TGFBR2: variants seen among roughly 807,000 people sequenced by gnomAD.
The protein encoded by TGFBR2 is TGF-beta receptor type-2.
In TGFBR2, 18 loss-of-function variants were observed where a neutral mutation model predicts 49.0. The observed-to-expected ratio is 0.37, with a 90% confidence interval of 0.25 to 0.54. The LOEUF (loss-of-function observed/expected upper bound fraction) is 0.54. TGFBR2 is among the 20% of genes least tolerant of loss of function. The pLI, the probability that TGFBR2 is intolerant of heterozygous loss-of-function variation, is 0.85. For missense variants in TGFBR2, 525 were observed against 722.6 expected (o/e 0.73, Z 3.13); for synonymous variants, 282 against 275.9 (o/e 1.02, Z -0.22).
At chr3:30,627,005 C>G (rs550000700) in intron 1 of TGFBR2, among the ~76,000 whole-genome samples, 3 of 152,220 alleles carry the variant, frequency 2.0e-5, no homozygotes, top group Admixed American at 6.5e-5. Context: ...AGGGGAATGA[C>G]GTAATAAAAC....
At chr3:30,685,706 C>T (rs965608643) in intron 5 of TGFBR2, among the ~76,000 whole-genome samples, 2 of 152,088 alleles carry the variant, frequency 1.3e-5, no homozygotes, top group South Asian at 2.1e-4. Context: ...GTCATGTCCA[C>T]GAATCTCTAG....
intron 1 of TGFBR2, among the ~76,000 whole-genome samples, chr3:30,630,691 C>T (rs557586222): frequency 5.9e-5 from 9 of 152,246 alleles, no homozygotes; most frequent in East Asian, 1.9e-4. Flanking sequence ...TATCAAGAGA[C>T]GGAGATTTGG....
At chr3:30,615,041 C>G (rs774008888) in intron 1 of TGFBR2, among the ~76,000 whole-genome samples, 1 of 152,092 alleles carries the variant, frequency 6.6e-6, no homozygotes, top group Non-Finnish European at 1.5e-5. Flanking sequence ...AAACATCATG[C>G]CTGTCTTGTG....
rs1320752757 is a variant in TGFBR2, at chr3:30,645,862, T to TA, written c.263+948dup. On this transcript the variant is annotated intron_variant, in intron 2 of 6. Coordinates refer to ENST00000295754, the MANE Select transcript of TGFBR2 (RefSeq NM_003242.6). Reference sequence around the variant, plus strand: ...TCTCTCATTCCCTCCAACTCATACATACATCTCAAATAATAATTATACATA... The same window carrying TA: ...TCTCTCATTCCCTCCAACTCATACATAACATCTCAAATAATAATTATACATA... 2.6e-5 allele frequency among the ~76,000 whole-genome samples: 4 copies of TA among 151,658 alleles called. No homozygotes were observed. The East Asian group carries it at 7.8e-4, about 30-fold the overall frequency.
intron 4 of TGFBR2, among the ~76,000 whole-genome samples, chr3:30,673,467 T>G (rs1699377558): frequency 6.6e-6 from 1 of 152,234 alleles, no homozygotes; most frequent in Admixed American, 6.5e-5. Context: ...TTATCAGTCA[T>G]AGAGATTAGC....
chr3:30,661,097 G>A (rs992621163), intron 3 of TGFBR2, among the ~76,000 whole-genome samples: 2 of 152,184 alleles, frequency 1.3e-5, no homozygotes, highest in Non-Finnish European at 2.9e-5. Context: ...TTGCTTTCAG[G>A]TTTCCTGAGA....
chr3:30,628,693 G>A (rs1274275651), intron 1 of TGFBR2, among the ~76,000 whole-genome samples: 7 of 151,972 alleles, frequency 4.6e-5, no homozygotes, highest in South Asian at 2.1e-4. Context: ...GGAGTCAGAC[G>A]AGCCTTACAT....
Position 30,606,749 on chromosome 3 carries a change from T to G in TGFBR2, c.-135T>G. ...TCCTGGCTGGCGAGCGGGCGCCACATCTGGCCCGCACATCTGCGCTGCCGG... is the reference window on the plus strand; with the variant it reads ...TCCTGGCTGGCGAGCGGGCGCCACAGCTGGCCCGCACATCTGCGCTGCCGG... On this transcript the variant is annotated 5_prime_UTR_variant, in exon 1 of 7. Coordinates refer to ENST00000295754, the MANE Select transcript of TGFBR2 (RefSeq NM_003242.6). The G allele has an allele frequency of 1.7e-6, 1 of 588,116 alleles. No individual in the cohort carries two copies. The highest frequency in any genetic ancestry group is 2.5e-6 in the Non-Finnish European group (1 of 392,968). 36.4% of individuals were successfully genotyped at this position (588,116 alleles called of 1,614,324 possible).
intron 1 of TGFBR2, among the ~76,000 whole-genome samples, chr3:30,627,922 G>A (rs534703525): frequency 2.3e-4 from 35 of 152,164 alleles, no homozygotes; most frequent in Admixed American, 5.2e-4. Context: ...AAAGAGGTCC[G>A]TTCAGGTAAT....
At chr3:30,645,239 C>T (rs910825592) in intron 2 of TGFBR2, among the ~76,000 whole-genome samples, 13 of 152,008 alleles carry the variant, frequency 8.6e-5, no homozygotes, top group African/African-American at 3.1e-4. Context: ...GCTTAGTAGT[C>T]ATTTAACCGA....
chr3:30,693,642 C>T lies in TGFBR2; in HGVS notation c.*2043C>T, dbSNP rs967607035. 1.7e-5 allele frequency: 4 copies of T among 233,412 alleles called. No individual in the cohort carries two copies. The highest frequency in any genetic ancestry group is 6.0e-5 in the East Asian group (1 of 16,694). The allele number at this position is 233,412 out of a possible 1,614,324, so 14.5% of individuals were successfully genotyped here. A position where few individuals can be genotyped will look rare whatever the true frequency, so the allele number is the denominator to read the frequency against. On this transcript the variant is annotated 3_prime_UTR_variant, in exon 7 of 7. Transcript: ENST00000295754. ...CAGTGTGGCTGCAGTAGCATAGAGG[C>T]GCCTAGAAATTCCACTTGCACCGTA...
intron 1 of TGFBR2, among the ~76,000 whole-genome samples, chr3:30,616,760 T>A (rs1378350786): frequency 6.6e-6 from 1 of 152,156 alleles, no homozygotes; most frequent in Non-Finnish European, 1.5e-5. Flanking sequence ...TCCACTGGTG[T>A]TCATTGGAGA....
chr3:30,672,459 A>ATCCCCTT lies in TGFBR2; in HGVS notation c.1254+24_1254+30dup. 6.2e-7 allele frequency: 1 copy of ATCCCCTT among 1,613,332 alleles called. No individual in the cohort carries two copies. Among genetic ancestry groups the ATCCCCTT allele is most frequent in the South Asian group, 1.1e-5 (1 of 91,064 alleles). On this transcript the variant is annotated intron_variant, in intron 4 of 6. Coordinates refer to ENST00000295754, the MANE Select transcript of TGFBR2 (RefSeq NM_003242.6). The surrounding 1 kb of genome is among the most constrained non-coding windows in gnomAD (Gnocchi z 4.5). The stretch of plus-strand genomic sequence containing the variant: ...GCAGGTAAGTTAGAGCTAGTGCTAG[A>ATCCCCTT]TCCCCTTTACCTTGAGCCTGGCCTC...
intron 1 of TGFBR2, among the ~76,000 whole-genome samples, chr3:30,610,425 C>T (rs1698008441): frequency 6.6e-6 from 1 of 152,100 alleles, no homozygotes; most frequent in Non-Finnish European, 1.5e-5. Context: ...TGTCTCTTTC[C>T]TATCCCTGCC....
chr3:30,682,686 A>G (rs1699559863), intron 5 of TGFBR2, among the ~76,000 whole-genome samples: 1 of 152,200 alleles, frequency 6.6e-6, no homozygotes, highest in African/African-American at 2.4e-5. Context: ...CTACTTCCCT[A>G]AACCCAGAAA....
chr3:30,675,361 T>G (rs1438806243), intron 5 of TGFBR2, among the ~76,000 whole-genome samples: 1 of 151,158 alleles, frequency 6.6e-6, no homozygotes, highest in East Asian at 2.0e-4. Context: ...TCATCCTGGT[T>G]GGCTGCCAAA....
chr3:30,639,972 C>G (rs565284573), intron 1 of TGFBR2, among the ~76,000 whole-genome samples: 1 of 152,158 alleles, frequency 6.6e-6, no homozygotes, highest in African/African-American at 2.4e-5. Context: ...TGAAATAAGT[C>G]TAAATCTTAT....
intron 6 of TGFBR2, among the ~76,000 whole-genome samples, chr3:30,691,195 T>C (rs1699703380): frequency 6.6e-6 from 1 of 152,116 alleles, no homozygotes; most frequent in Non-Finnish European, 1.5e-5. Context: ...AGCCAAAAAG[T>C]ATGGTAGGTT....
intron 1 of TGFBR2, among the ~76,000 whole-genome samples, chr3:30,634,953 C>G (rs1698502480): frequency 6.6e-6 from 1 of 152,156 alleles, no homozygotes. Flanking sequence ...TTCTTCTCAG[C>G]CCCAAACCCT....
Sources: allele counts gnomAD v4.1 joint callset (sites outside exome capture counted in the v4.1 genomes callset), GRCh38; gene constraint gnomAD v4.1.1; non-coding constraint Gnocchi (gnomAD v3.1); transcripts MANE v1.5; gene names NCBI Gene and HGNC (gene_info 2026-07-23, HGNC 2026-07-21).